Variants in NRG1 observed in about 807,000 individuals in gnomAD.
The protein encoded by NRG1 is pro-neuregulin-1, membrane-bound isoform.
Under a neutral mutation model 63.8 loss-of-function variants are expected in NRG1, and 18 were observed. The ratio of observed to expected loss-of-function variants is 0.28; its 90% CI spans 0.19 to 0.42. NRG1 has a LOEUF of 0.42. Ranked by LOEUF, NRG1 falls within the 10% of genes least tolerant of loss-of-function variation. The probability of loss-of-function intolerance (pLI) is 1.00; values close to 1 mark genes in which losing one functional copy is unlikely to be tolerated. For missense variants in NRG1, 762 were observed against 814.7 expected (o/e 0.94, Z 0.79); for synonymous variants, 302 against 301.3 (o/e 1.00, Z -0.02).
At chr8:32,386,378 C>T (rs892623517) in intron 1 of NRG1, among the ~76,000 whole-genome samples, 104 of 152,202 alleles carry the variant, frequency 6.8e-4, no homozygotes, top group African/African-American at 2.4e-3. Context: ...TTCCTCCCTC[C>T]GTTGCCTCTG....
At chr8:32,572,418 T>C (rs932788406) in intron 1 of NRG1, among the ~76,000 whole-genome samples, 3 of 152,280 alleles carry the variant, frequency 2.0e-5, no homozygotes, top group African/African-American at 7.2e-5. Context: ...TCTTCTATTG[T>C]TACTATACAC....
At chr8:31,806,582 AT>A in intron 1 of NRG1, among the ~76,000 whole-genome samples, 1 of 152,278 alleles carries the variant, frequency 6.6e-6, no homozygotes, top group East Asian at 1.9e-4. Flanking sequence ...AACTGCATTT[AT>A]TGCATTGATT....
chr8:32,715,232 C>T (rs1024793258), intron 5 of NRG1, among the ~76,000 whole-genome samples: 3 of 152,030 alleles, frequency 2.0e-5, no homozygotes, highest in Admixed American at 1.3e-4. Flanking sequence ...TGGGATTACA[C>T]GTGTGAACAA....
chr8:32,188,941 C>A (rs143389187), intron 1 of NRG1, among the ~76,000 whole-genome samples: 6,336 of 151,754 alleles, frequency 0.042, 198 homozygotes, highest in Middle Eastern at 0.092. Context: ...GCATATATAC[C>A]CTAAAACTTA....
chr8:31,759,518 C>T (rs1260046249), intron 1 of NRG1, among the ~76,000 whole-genome samples: 2 of 151,946 alleles, frequency 1.3e-5, no homozygotes, highest in Non-Finnish European at 2.9e-5. Context: ...TGCACTGGTG[C>T]CTTTTACAAA....
At chr8:31,913,202 TACTGTGGTATAAA>T (rs2129617668) in intron 1 of NRG1, among the ~76,000 whole-genome samples, 1 of 152,328 alleles carries the variant, frequency 6.6e-6, no homozygotes, top group Admixed American at 6.5e-5. Flanking sequence ...GTACTGGAAC[TACTGTGGTATAAA>T]ACAATATCCA....
intron 1 of NRG1, among the ~76,000 whole-genome samples, chr8:32,009,661 C>G (rs1814412675): frequency 1.3e-5 from 2 of 151,920 alleles, no homozygotes; most frequent in Admixed American, 6.6e-5. Flanking sequence ...GGTGAAGGAG[C>G]TTTACTCTTT....
At chr8:31,729,650 C>G (rs916260150) in intron 1 of NRG1, among the ~76,000 whole-genome samples, 6 of 152,052 alleles carry the variant, frequency 3.9e-5, no homozygotes, top group Admixed American at 3.3e-4. Context: ...TTTACTTATG[C>G]CCCATCTTTT....
At chr8:32,396,550 G>A (rs1242627805) in intron 1 of NRG1, among the ~76,000 whole-genome samples, 1 of 152,118 alleles carries the variant, frequency 6.6e-6, no homozygotes, top group Non-Finnish European at 1.5e-5. Flanking sequence ...CCAGGCTGAA[G>A]CGATTCTCCT....
chr8:31,719,830 C>T (rs1812721246), intron 1 of NRG1, among the ~76,000 whole-genome samples: 1 of 132,848 alleles, frequency 7.5e-6, no homozygotes, highest in Non-Finnish European at 1.7e-5. Flanking sequence ...TTTTCAGTCC[C>T]TGGGATTATG....
In NRG1 at chr8:32,052,237, A is replaced by G. The variant is rs146889135; in HGVS notation, c.37+412806A>G. Among the ~76,000 whole-genome samples, 468 of 150,874 alleles carry G rather than the reference A, an allele frequency of 3.1e-3. 1 individual carries two copies. Among genetic ancestry groups the G allele is most frequent in the African/African-American group, 0.011 (453 of 41,176 alleles). ...TAGTTGGTTTGCTTTGTGCTATACA[A>G]CTATTTGAAGTTCTTTACATTTTCT... On this transcript the variant is annotated intron_variant, in intron 1 of 10. Transcript: ENST00000519301.
At chr8:32,201,371 A>G (rs1843484811) in intron 1 of NRG1, among the ~76,000 whole-genome samples, 1 of 152,178 alleles carries the variant, frequency 6.6e-6, no homozygotes, top group Non-Finnish European at 1.5e-5. Flanking sequence ...CTCTGCAGTT[A>G]TGGTTCTAGA....
chr8:32,389,704 A>G (rs4733325), intron 1 of NRG1, among the ~76,000 whole-genome samples: 63,010 of 151,514 alleles, frequency 0.42, 13,342 homozygotes, highest in Admixed American at 0.46. Context: ...ATTGCTTCCA[A>G]TGTTGTACAG....
intron 1 of NRG1, among the ~76,000 whole-genome samples, chr8:31,649,471 G>C (rs781228582): frequency 2.0e-5 from 3 of 152,134 alleles, no homozygotes; most frequent in Non-Finnish European, 2.9e-5. Flanking sequence ...TCTATACAGA[G>C]TTAGTGTCTC....
rs115749717 is a variant in NRG1, at chr8:31,774,608, A to T, written c.37+135177A>T. Among the ~76,000 whole-genome samples, 1,386 of 152,314 alleles carry T rather than the reference A, an allele frequency of 9.1e-3. 34 individuals are homozygous for T. Among genetic ancestry groups the T allele is most frequent in the African/African-American group, 0.032 (1,336 of 41,582 alleles). ...GGGATATTAATCATTTGTTAGATAC[A>T]TAGTTTGCAAATATTTTCTCCAATT... is the stretch of plus-strand genomic sequence containing the variant. On this transcript the variant is annotated intron_variant, in intron 1 of 10. Transcript: ENST00000519301.
chr8:32,224,699 T>A (rs1846152676), intron 1 of NRG1, among the ~76,000 whole-genome samples: 1 of 152,138 alleles, frequency 6.6e-6, no homozygotes, highest in African/African-American at 2.4e-5. Context: ...AAGATGAGAA[T>A]TTGAACTAAT....
At chr8:32,739,316 C>G (rs984573453) in intron 6 of NRG1, among the ~76,000 whole-genome samples, 2 of 152,084 alleles carry the variant, frequency 1.3e-5, no homozygotes, top group Non-Finnish European at 2.9e-5. Flanking sequence ...TGCGTTTACA[C>G]TAGCACACTC....
intron 1 of NRG1, among the ~76,000 whole-genome samples, chr8:32,036,211 A>T (rs1819032931): frequency 1.3e-5 from 2 of 152,132 alleles, no homozygotes; most frequent in African/African-American, 4.8e-5. Flanking sequence ...ACCAGATATG[A>T]CATTGTAGGT....
intron 1 of NRG1, among the ~76,000 whole-genome samples, chr8:31,987,307 A>G (rs113362862): frequency 7.6e-6 from 1 of 131,990 alleles, no homozygotes; most frequent in Non-Finnish European, 1.5e-5. Context: ...AAAAAAAAAA[A>G]AAAAACATAT....
Sources: allele counts gnomAD v4.1 joint callset (sites outside exome capture counted in the v4.1 genomes callset), GRCh38; gene constraint gnomAD v4.1.1; transcripts MANE v1.5; gene names NCBI Gene and HGNC (gene_info 2026-07-23, HGNC 2026-07-21).